The following GALNTL6 variants were observed in gnomAD, a reference collection of about 807,000 sequenced individuals.
GALNTL6 encodes polypeptide N-acetylgalactosaminyltransferase-like 6.
Under a neutral mutation model 73.7 loss-of-function variants are expected in GALNTL6, and 46 were observed. The ratio of observed to expected loss-of-function variants is 0.62; its 90% CI spans 0.49 to 0.80. GALNTL6 has a LOEUF of 0.80. Ranked by LOEUF, GALNTL6 falls within the 30% of genes least tolerant of loss-of-function variation. The probability of loss-of-function intolerance (pLI) is 0.00; values close to 1 mark genes in which losing one functional copy is unlikely to be tolerated. For synonymous variants in GALNTL6, 259 were observed against 263.7 expected (o/e 0.98, Z 0.17); for missense variants, 604 against 755.0 (o/e 0.80, Z 2.34).
intron 2 of GALNTL6, among the ~76,000 whole-genome samples, chr4:172,066,597 A>T (rs1013461115): frequency 6.7e-6 from 1 of 148,668 alleles, no homozygotes; most frequent in Non-Finnish European, 1.5e-5. Flanking sequence ...CCTCAGGATT[A>T]GTGAAGAGCT....
At chr4:172,322,015 C>CCGATTGGTATAGAGGAACATT (rs1740775601) in intron 4 of GALNTL6, among the ~76,000 whole-genome samples, 1 of 152,080 alleles carries the variant, frequency 6.6e-6, no homozygotes, top group Non-Finnish European at 1.5e-5. Flanking sequence ...TGGTATATGA[C>CCGATTGGTATAGAGGAACATT]CCTCTAGGAA....
intron 2 of GALNTL6, among the ~76,000 whole-genome samples, chr4:171,829,478 A>G (rs950638944): frequency 6.6e-6 from 1 of 152,108 alleles, no homozygotes; most frequent in African/African-American, 2.4e-5. Flanking sequence ...CCAATTGATC[A>G]CTATTTCACT....
intron 7 of GALNTL6, among the ~76,000 whole-genome samples, chr4:172,871,596 G>GC (rs1744937565): frequency 8.7e-6 from 1 of 114,592 alleles, no homozygotes; most frequent in South Asian, 3.5e-4. Context: ...TCTGGGGGGG[G>GC]TGTGTGTGTG....
At chr4:172,146,589 TTAA>T (rs1303342758) in intron 2 of GALNTL6, among the ~76,000 whole-genome samples, 2 of 152,196 alleles carry the variant, frequency 1.3e-5, no homozygotes, top group African/African-American at 4.8e-5. Flanking sequence ...CTCTTTTATT[TTAA>T]TAATAGCCTG....
chr4:172,845,355 T>A (rs1743443336), intron 7 of GALNTL6, among the ~76,000 whole-genome samples: 1 of 152,162 alleles, frequency 6.6e-6, no homozygotes, highest in African/African-American at 2.4e-5. Flanking sequence ...CTCAGGTAGA[T>A]TCCAGGAACA....
rs539070063 is a variant in GALNTL6, at chr4:172,651,325, C to G, written c.554-158036C>G. Among the ~76,000 whole-genome samples the G allele has an allele frequency of 3.0e-4, 46 of 152,302 alleles. No individual in the cohort carries two copies. The South Asian group carries it at 9.5e-3, about 32-fold the overall frequency. ...ATTGCAACAGGAATTACTCAGGTCA[C>G]ACTGGTGATTAGTGCTGTGAATGCA... On this transcript the variant is annotated intron_variant, in intron 5 of 12. Transcript: ENST00000506823.
intron 2 of GALNTL6, among the ~76,000 whole-genome samples, chr4:172,062,124 A>AT (rs375712652): frequency 0.094 from 13,452 of 143,686 alleles, 597 homozygotes; most frequent in Middle Eastern, 0.11. Flanking sequence ...TAATTTTTGT[A>AT]TTTTTTTTTT....
intron 8 of GALNTL6, among the ~76,000 whole-genome samples, chr4:172,887,671 A>T (rs1258342572): frequency 6.6e-6 from 1 of 151,688 alleles, no homozygotes; most frequent in East Asian, 1.9e-4. Flanking sequence ...TCAAGTAATT[A>T]TCCTGCCTCA....
chr4:172,372,990 C>G (rs139520904), intron 5 of GALNTL6, among the ~76,000 whole-genome samples: 2 of 152,176 alleles, frequency 1.3e-5, no homozygotes, highest in African/African-American at 4.8e-5. Context: ...TCGACCTACA[C>G]ACCTTGTACC....
chr4:172,483,184 TACTC>T (rs1733553063), intron 5 of GALNTL6, among the ~76,000 whole-genome samples: 1 of 152,120 alleles, frequency 6.6e-6, no homozygotes. Flanking sequence ...TTGGAGCACT[TACTC>T]AAGTATATAA....
At chr4:172,550,019 C>T (rs540948547) in intron 5 of GALNTL6, among the ~76,000 whole-genome samples, 30 of 152,236 alleles carry the variant, frequency 2.0e-4, no homozygotes, top group Non-Finnish European at 2.2e-4. Flanking sequence ...AGTAAAGTTT[C>T]ATCATAATTA....
intron 2 of GALNTL6, among the ~76,000 whole-genome samples, chr4:172,185,199 AT>A (rs1370132852): frequency 1.3e-5 from 2 of 152,232 alleles, no homozygotes; most frequent in Non-Finnish European, 2.9e-5. Flanking sequence ...CTCAAATAAA[AT>A]ATCAGGCAAA....
At chr4:172,765,835 C>T (rs1401132565) in intron 5 of GALNTL6, among the ~76,000 whole-genome samples, 1 of 147,748 alleles carries the variant, frequency 6.8e-6, no homozygotes, top group East Asian at 2.0e-4. Context: ...AATTTTCAGA[C>T]AAAACTTTCC....
rs7672772 is a variant in GALNTL6 at position 171,821,792 on chromosome 4, G to A, written c.138+7074G>A. On this transcript the variant is annotated intron_variant, in intron 2 of 12. Coordinates refer to ENST00000506823, the MANE Select transcript of GALNTL6 (RefSeq NM_001034845.3). Reference sequence around the variant, plus strand: ...TGTCAAGACAGCACAGCAGAGCAACGTCACTGGTGTGTTGAATGTAGTAGG... The same window carrying A: ...TGTCAAGACAGCACAGCAGAGCAACATCACTGGTGTGTTGAATGTAGTAGG... 4.2e-3 allele frequency among the ~76,000 whole-genome samples: 642 copies of A among 152,104 alleles called. 2 individuals are homozygous for A. Among genetic ancestry groups the A allele is most frequent in the African/African-American group, 0.015 (606 of 41,470 alleles).
chr4:172,258,361 C>T (rs1029843266), intron 3 of GALNTL6, among the ~76,000 whole-genome samples: 1 of 151,076 alleles, frequency 6.6e-6, no homozygotes, highest in African/African-American at 2.4e-5. Flanking sequence ...CACACAAACA[C>T]GTTTAGGTCT....
intron 5 of GALNTL6, among the ~76,000 whole-genome samples, chr4:172,720,873 C>T (rs992492588): frequency 2.6e-5 from 4 of 152,050 alleles, no homozygotes; most frequent in African/African-American, 9.7e-5. Context: ...TTTGTTTTAT[C>T]CTTTGGGAGA....
At chr4:171,954,751 T>TG (rs1231393018) in intron 2 of GALNTL6, among the ~76,000 whole-genome samples, 1 of 152,148 alleles carries the variant, frequency 6.6e-6, no homozygotes, top group Non-Finnish European at 1.5e-5. Context: ...AGGGGCATGG[T>TG]GAGAGGTGAT....
At chr4:172,629,152 T>C (rs1160430204) in intron 5 of GALNTL6, among the ~76,000 whole-genome samples, 1 of 152,204 alleles carries the variant, frequency 6.6e-6, no homozygotes, top group East Asian at 1.9e-4. Flanking sequence ...TGCCTTTGTG[T>C]ATGTCTCTGT....
chr4:172,587,970 A>T (rs753552770), intron 5 of GALNTL6, among the ~76,000 whole-genome samples: 8 of 152,152 alleles, frequency 5.3e-5, no homozygotes, highest in Non-Finnish European at 8.8e-5. Flanking sequence ...AGGCTTTTTC[A>T]TTTCATTTTG....
Sources: gnomAD v4.1 joint callset for allele counts (sites outside exome capture counted in the v4.1 genomes callset) on GRCh38, gnomAD v4.1.1 for gene constraint, MANE v1.5 for transcripts, NCBI Gene and HGNC (gene_info 2026-07-23, HGNC 2026-07-21) for gene names.